Variants in ZBTB7C observed in about 807,000 individuals in gnomAD.
ZBTB7C encodes zinc finger and BTB domain-containing protein 7C.
ZBTB7C carries 8 observed loss-of-function variants against 25.7 expected under a neutral mutation model. The observed-to-expected ratio is 0.31, with a 90% CI of 0.18 to 0.56. The LOEUF (loss-of-function observed/expected upper bound fraction) is 0.56. Among genes scored for constraint, ZBTB7C ranks in the 20% least tolerant of loss-of-function variants. ZBTB7C has a pLI of 0.91. For missense variants in ZBTB7C, 824 were observed against 855.2 expected (o/e 0.96, Z 0.46); for synonymous variants, 394 against 369.0 (o/e 1.07, Z -0.78).
At chr18:48,271,868 T>A (rs528330384) in intron 2 of ZBTB7C, among the ~76,000 whole-genome samples, 1 of 152,186 alleles carries the variant, frequency 6.6e-6, no homozygotes, top group Non-Finnish European at 1.5e-5. Context: ...TCAAATGTAA[T>A]AATGAAAATT....
At chr18:48,235,574 C>A (rs907575360) in intron 2 of ZBTB7C, among the ~76,000 whole-genome samples, 5 of 152,146 alleles carry the variant, frequency 3.3e-5, no homozygotes, top group African/African-American at 1.2e-4. Context: ...TTCTCCATTG[C>A]ATCTTAGATC....
intron 3 of ZBTB7C, chr18:48,149,316 C>T (rs1598973599): frequency 6.6e-6 from 1 of 152,468 alleles, no homozygotes; most frequent in African/African-American, 2.4e-5. Flanking sequence ...AAGGGGTGAG[C>T]ACAGCAGTTT....
intron 2 of ZBTB7C, among the ~76,000 whole-genome samples, chr18:48,283,973 C>T (rs2044950435): frequency 6.6e-6 from 1 of 151,742 alleles, no homozygotes; most frequent in South Asian, 2.1e-4. Flanking sequence ...ATGGCAAAAC[C>T]CCATCTCTAC....
At chr18:48,031,980 A>G (rs908948149) in intron 4 of ZBTB7C, among the ~76,000 whole-genome samples, 7 of 152,182 alleles carry the variant, frequency 4.6e-5, no homozygotes, top group African/African-American at 1.7e-4. Context: ...TCTGATGGAA[A>G]CACTGATGCT....
intron 2 of ZBTB7C, among the ~76,000 whole-genome samples, chr18:48,297,881 C>T (rs1278789016): frequency 6.6e-6 from 1 of 152,198 alleles, no homozygotes; most frequent in Non-Finnish European, 1.5e-5. Flanking sequence ...TGTGTGCCTT[C>T]ATTTGGGTAT....
chr18:48,227,462 C>T lies in ZBTB7C; in HGVS notation c.-78-41467G>A, dbSNP rs528875395. 2.0e-4 allele frequency among the ~76,000 whole-genome samples: 31 copies of T among 152,368 alleles called. No individual in the cohort carries two copies. The South Asian group carries it at 5.8e-3, about 29-fold the overall frequency. On this transcript the variant is annotated intron_variant, in intron 2 of 4. Transcript: ENST00000590800. ...ACTAAGGAGAAGGATGTGTCATTGT[C>T]TTACTTGGAACGGCCTCCGCCCAAC... is the stretch of plus-strand genomic sequence containing the variant.
intron 2 of ZBTB7C, among the ~76,000 whole-genome samples, chr18:48,337,944 T>C (rs1401984409): frequency 1.3e-5 from 2 of 152,192 alleles, no homozygotes; most frequent in Non-Finnish European, 2.9e-5. Flanking sequence ...CCATAAGGCA[T>C]AGGAAGTGAA....
chr18:48,357,374 C>A (rs1183256954), intron 1 of ZBTB7C, among the ~76,000 whole-genome samples: 1 of 152,210 alleles, frequency 6.6e-6, no homozygotes, highest in Non-Finnish European at 1.5e-5. Context: ...CAGCTGGGAA[C>A]TGGGACGCAG....
At chr18:48,389,534 A>G (rs1167828414) in intron 1 of ZBTB7C, among the ~76,000 whole-genome samples, 2 of 138,686 alleles carry the variant, frequency 1.4e-5, no homozygotes, top group Non-Finnish European at 3.0e-5. Context: ...CACTTGGCCC[A>G]GTGCCTGATA....
chr18:48,103,424 C>T (rs560444767), intron 3 of ZBTB7C, among the ~76,000 whole-genome samples: 5 of 152,156 alleles, frequency 3.3e-5, no homozygotes, highest in East Asian at 1.9e-4. Flanking sequence ...AGGACAAAGA[C>T]GGAGGCATAG....
At chr18:48,115,635 AC>A (rs2039411112) in intron 3 of ZBTB7C, among the ~76,000 whole-genome samples, 1 of 152,048 alleles carries the variant, frequency 6.6e-6, no homozygotes, top group African/African-American at 2.4e-5. Flanking sequence ...AGTTGTTTCT[AC>A]CTTTTGGCTA....
At chr18:48,259,101 C>A (rs1422045041) in intron 2 of ZBTB7C, among the ~76,000 whole-genome samples, 1 of 152,154 alleles carries the variant, frequency 6.6e-6, no homozygotes, top group African/African-American at 2.4e-5. Context: ...AAGCTCATGC[C>A]ACCACACCCG....
At chr18:48,141,703 A>G (rs2040355915) in intron 3 of ZBTB7C, among the ~76,000 whole-genome samples, 1 of 152,226 alleles carries the variant, frequency 6.6e-6, no homozygotes, top group South Asian at 2.1e-4. Flanking sequence ...TACACTTGTC[A>G]TTCCTCCTTG....
At chr18:48,180,036 C>T (rs866346686) in intron 3 of ZBTB7C, among the ~76,000 whole-genome samples, 36 of 146,586 alleles carry the variant, frequency 2.5e-4, no homozygotes, top group Admixed American at 4.8e-4. Flanking sequence ...TCCTTCCTTC[C>T]CTGCTTCCTT....
At chr18:48,354,063 C>T (rs1350704298) in intron 1 of ZBTB7C, among the ~76,000 whole-genome samples, 2 of 152,218 alleles carry the variant, frequency 1.3e-5, no homozygotes, top group Admixed American at 1.3e-4. Context: ...TTCTCAGATC[C>T]TCATTCAACG....
chr18:48,084,947 C>T (rs1016220658), intron 3 of ZBTB7C, among the ~76,000 whole-genome samples: 45 of 152,236 alleles, frequency 3.0e-4, no homozygotes, highest in African/African-American at 1.0e-3. Context: ...TGACTGATGC[C>T]CATCATTCCA....
At chr18:48,196,534 C>T (rs373245570) in intron 2 of ZBTB7C, among the ~76,000 whole-genome samples, 85 of 152,242 alleles carry the variant, frequency 5.6e-4, no homozygotes, top group African/African-American at 2.0e-3. Flanking sequence ...AATCAAACCA[C>T]CCTCCTGAGG....
At chr18:48,352,751 G>A (rs902691510) in intron 1 of ZBTB7C, among the ~76,000 whole-genome samples, 2 of 152,146 alleles carry the variant, frequency 1.3e-5, no homozygotes, top group Non-Finnish European at 2.9e-5. Context: ...ACTGGGCTAA[G>A]TTCAGGACAG....
rs920690595 is a variant in ZBTB7C, at chr18:48,338,921, G to C, written c.-303-523C>G. Among the ~76,000 whole-genome samples the C allele has an allele frequency of 3.0e-4, 45 of 151,998 alleles. 1 individual carries two copies. The highest frequency in any genetic ancestry group is 9.9e-4 in the African/African-American group (41 of 41,478). On this transcript the variant is annotated intron_variant, in intron 1 of 4. Transcript: ENST00000590800. ...TGTTCTGTAGTTTGTTGGGGGGGGG[G>C]GGTCCAGGTAGGACACCCCACCTAT...
Sources: gnomAD v4.1 joint callset for allele counts (sites outside exome capture counted in the v4.1 genomes callset) on GRCh38, gnomAD v4.1.1 for gene constraint, MANE v1.5 for transcripts, NCBI Gene and HGNC (gene_info 2026-07-23, HGNC 2026-07-21) for gene names.